NAALADL2: variants seen among roughly 807,000 people sequenced by gnomAD.
The protein encoded by NAALADL2 is inactive N-acetylated-alpha-linked acidic dipeptidase-like protein 2.
Under a neutral mutation model 87.2 loss-of-function variants are expected in NAALADL2, and 76 were observed. The ratio of observed to expected loss-of-function variants is 0.87; its 90% CI spans 0.72 to 1.05. The LOEUF (loss-of-function observed/expected upper bound fraction) is 1.05. Ranked by LOEUF, NAALADL2 falls within the 50% of genes least tolerant of loss-of-function variation. NAALADL2 has a pLI of 0.00. For missense variants in NAALADL2, 1,089 were observed against 945.8 expected, an observed-to-expected ratio of 1.15 and a Z score of -1.99; for synonymous variants, 354 against 331.0, an observed-to-expected ratio of 1.07 and a Z score of -0.75.
At chr3:175,209,855 A>T (rs1422183121) in intron 2 of NAALADL2, among the ~76,000 whole-genome samples, 4 of 151,738 alleles carry the variant, frequency 2.6e-5, no homozygotes, top group Admixed American at 6.6e-5. Flanking sequence ...TTCCAAAAAG[A>T]TTAACACACT....
Position 175,148,524 on chromosome 3 carries a change from G to A in NAALADL2, c.545+51233G>A, listed in dbSNP as rs577144743. On this transcript the variant is annotated intron_variant, in intron 2 of 13. Transcript: ENST00000454872. ...TCATAAATTTTTTCCCAACGCCCAA[G>A]TCCACAGTGGTGTTTCCTGGGTTTT... Among the ~76,000 whole-genome samples, 4 of 152,206 alleles carry A rather than the reference G, an allele frequency of 2.6e-5. No individual in the cohort carries two copies. The South Asian group carries it at 8.3e-4, about 32-fold the overall frequency.
intron 1 of NAALADL2, among the ~76,000 whole-genome samples, chr3:175,065,946 A>G (rs1714458320): frequency 6.6e-6 from 1 of 152,210 alleles, no homozygotes; most frequent in Non-Finnish European, 1.5e-5. Flanking sequence ...ACATAACGGT[A>G]TTCGGTCTTA....
intron 5 of NAALADL2, among the ~76,000 whole-genome samples, chr3:175,371,316 G>A (rs1215761412): frequency 3.3e-5 from 5 of 151,788 alleles, no homozygotes; most frequent in African/African-American, 7.3e-5. Context: ...CGCCCAGGCC[G>A]GACTGCAGTG....
At chr3:175,378,230 C>T (rs1459233277) in intron 5 of NAALADL2, among the ~76,000 whole-genome samples, 2 of 152,042 alleles carry the variant, frequency 1.3e-5, no homozygotes, top group South Asian at 2.1e-4. Context: ...TACCTGTGCG[C>T]TCACTCCCAC....
intron 13 of NAALADL2, among the ~76,000 whole-genome samples, chr3:175,796,206 A>T (rs778024159): frequency 1.9e-4 from 29 of 152,086 alleles, no homozygotes; most frequent in Middle Eastern, 6.8e-3. Flanking sequence ...AGCATACAGG[A>T]GATTTTGAGA....
intron 2 of NAALADL2, among the ~76,000 whole-genome samples, chr3:175,196,466 A>G (rs1480205881): frequency 6.6e-6 from 1 of 151,966 alleles, no homozygotes; most frequent in Non-Finnish European, 1.5e-5. Context: ...GGTCAGCAGA[A>G]AATGCTTCTC....
intron 3 of NAALADL2, among the ~76,000 whole-genome samples, chr3:174,765,142 ACG>A (rs1491121493): frequency 2.2e-4 from 23 of 106,858 alleles, no homozygotes; most frequent in African/African-American, 5.3e-4. Context: ...ACACACACAC[ACG>A]AGAGAGAGAG....
chr3:175,423,028 A>ATATAT (rs1553890338), intron 5 of NAALADL2, among the ~76,000 whole-genome samples: 1 of 111,310 alleles, frequency 9.0e-6, no homozygotes, highest in South Asian at 2.7e-4. Flanking sequence ...GAAAAAAAAA[A>ATATAT]ATATATATAT....
chr3:174,581,706 G>A (rs989652775), intron 2 of NAALADL2, among the ~76,000 whole-genome samples: 2 of 152,158 alleles, frequency 1.3e-5, no homozygotes, highest in Non-Finnish European at 2.9e-5. Context: ...GCATATGATA[G>A]GATTATACTT....
At chr3:174,859,218 G>C (rs961116988), upstream of NAALADL2, 1 of 576,530 alleles carries the variant, frequency 1.7e-6, no homozygotes, top group African/African-American at 1.9e-5. Flanking sequence ...CAAAAGATAT[G>C]ATCTCACTTC....
intron 1 of NAALADL2, among the ~76,000 whole-genome samples, chr3:174,509,487 C>T (rs1243283346): frequency 3.7e-4 from 55 of 149,614 alleles, no homozygotes; most frequent in African/African-American, 1.2e-3. Context: ...CTGCAACCTC[C>T]GCCTCCTGAG....
rs866147416 is a variant in NAALADL2, at chr3:175,354,885, C to T, written c.1090+30560C>T. On this transcript the variant is annotated intron_variant, in intron 5 of 13. Transcript: ENST00000454872. ...ACATACATACATACATATATATACA[C>T]ACACACACACACACACACATATACA... Among the ~76,000 whole-genome samples the T allele has an allele frequency of 2.1e-3, 310 of 148,722 alleles. 2 individuals are homozygous for T. The highest frequency in any genetic ancestry group is 7.0e-3 in the African/African-American group (280 of 40,242).
At chr3:175,450,222 C>T (rs1581938120) in intron 6 of NAALADL2, among the ~76,000 whole-genome samples, 1 of 151,956 alleles carries the variant, frequency 6.6e-6, no homozygotes, top group African/African-American at 2.4e-5. Context: ...ATTAATTATT[C>T]ACAGTGATGT....
chr3:174,483,008 T>C (rs891629690), intron 1 of NAALADL2, among the ~76,000 whole-genome samples: 1 of 152,038 alleles, frequency 6.6e-6, no homozygotes, highest in East Asian at 1.9e-4. Flanking sequence ...TGCTTTATTA[T>C]TAGCAACATT....
chr3:175,745,304 A>G (rs1437096539), intron 12 of NAALADL2, among the ~76,000 whole-genome samples: 1 of 152,218 alleles, frequency 6.6e-6, no homozygotes, highest in Non-Finnish European at 1.5e-5. Flanking sequence ...TTTGTGGTAT[A>G]TGGAGATATA....
intron 1 of NAALADL2, among the ~76,000 whole-genome samples, chr3:174,865,315 G>T (rs1277204039): frequency 6.6e-6 from 1 of 151,988 alleles, no homozygotes; most frequent in Non-Finnish European, 1.5e-5. Context: ...ACGTATGCTT[G>T]TTAAACCATA....
At chr3:174,618,724 A>G (rs565669410) in intron 2 of NAALADL2, among the ~76,000 whole-genome samples, 34 of 151,226 alleles carry the variant, frequency 2.2e-4, no homozygotes, top group Admixed American at 5.2e-4. Context: ...GCACTTATAT[A>G]TAAGTTGAAT....
chr3:175,688,700 G>A (rs1355635550), intron 11 of NAALADL2, among the ~76,000 whole-genome samples: 1 of 152,100 alleles, frequency 6.6e-6, no homozygotes, highest in Non-Finnish European at 1.5e-5. Flanking sequence ...TGGAGGGGAA[G>A]GGCTAGGAGT....
At chr3:175,225,795 G>T (rs973273506) in intron 2 of NAALADL2, among the ~76,000 whole-genome samples, 1 of 151,966 alleles carries the variant, frequency 6.6e-6, no homozygotes, top group Non-Finnish European at 1.5e-5. Flanking sequence ...TGTCCATTCC[G>T]TGAGTCTGCT....
Sources: gnomAD v4.1 joint callset for allele counts (sites outside exome capture counted in the v4.1 genomes callset) on GRCh38, gnomAD v4.1.1 for gene constraint, MANE v1.5 for transcripts, NCBI Gene and HGNC (gene_info 2026-07-23, HGNC 2026-07-21) for gene names.